Variants in ARHGAP32 observed in about 807,000 individuals in gnomAD.
ARHGAP32 encodes the protein Rho GTPase activating protein 32.
ARHGAP32 carries 51 observed loss-of-function variants against 186.5 expected under a neutral mutation model. The observed-to-expected ratio is 0.27, with a 90% CI of 0.22 to 0.35. ARHGAP32 has a LOEUF of 0.35. ARHGAP32 is among the 10% of genes least tolerant of loss of function. The probability of loss-of-function intolerance (pLI) is 1.00; values close to 1 mark genes in which losing one functional copy is unlikely to be tolerated. For missense variants in ARHGAP32, 2,186 were observed against 2,623.5 expected (o/e 0.83, Z 3.64); for synonymous variants, 950 against 964.3 (o/e 0.99, Z 0.27).
rs1325002614 is a variant in ARHGAP32, at chr11:129,123,978, A to G, written c.318-49T>C. On this transcript the variant is annotated intron_variant, in intron 3 of 22. Coordinates refer to ENST00000682385, the MANE Select transcript of ARHGAP32 (RefSeq NM_001378024.1). This position sits in a 1 kb window ranked among gnomAD's most constrained non-coding sequence, Gnocchi z 4.6. ...ATCCTTGTCTTTCCTCTACTTACAC[A>G]TGAAGCATAACTATCTAACTCTACT... The G allele has an allele frequency of 2.4e-6, 3 of 1,240,556 alleles. No homozygotes were observed. Among genetic ancestry groups the G allele is most frequent in the Non-Finnish European group, 3.2e-6 (3 of 947,490 alleles). The allele number at this position is 1,240,556 out of a possible 1,614,324, so 76.8% of individuals were successfully genotyped here.
intron 1 of ARHGAP32, among the ~76,000 whole-genome samples, chr11:129,191,857 T>G (rs1219328670): frequency 6.6e-6 from 1 of 152,150 alleles, no homozygotes; most frequent in African/African-American, 2.4e-5. Context: ...CACCTTCTCC[T>G]CCTGGCGTTC....
At chr11:129,233,677 C>A (rs1020724279) in intron 1 of ARHGAP32, among the ~76,000 whole-genome samples, 27 of 149,620 alleles carry the variant, frequency 1.8e-4, no homozygotes, top group African/African-American at 6.6e-4. Context: ...GAAAAAGTAA[C>A]TGCAGTATAT....
intron 11 of ARHGAP32, chr11:129,024,056 T>C: frequency 2.0e-6 from 2 of 985,522 alleles, no homozygotes; most frequent in Non-Finnish European, 2.4e-6. Context: ...GGGTTCCAGC[T>C]GTTTTCAGGA....
intron 1 of ARHGAP32, among the ~76,000 whole-genome samples, chr11:129,250,128 G>A (rs534578579): frequency 6.6e-6 from 1 of 152,124 alleles, no homozygotes; most frequent in Non-Finnish European, 1.5e-5. Flanking sequence ...GAAGTGGGAG[G>A]ACTGCTTGAG....
Position 128,970,136 on chromosome 11 carries a change from T to C in ARHGAP32, c.5077A>G (p.Arg1693Gly). 3 of 1,614,196 alleles carry C rather than the reference T, an allele frequency of 1.9e-6. No individual in the cohort carries two copies. Among genetic ancestry groups the C allele is most frequent in the Non-Finnish European group, 2.5e-6 (3 of 1,180,036 alleles). ...DVDAYGTVQLRPLHRLPNRDF... is the reference protein window; with the variant it reads ...DVDAYGTVQLGPLHRLPNRDF... ...CGATTGGGAAGGCGGTGAAGGGGTC[T>C]CAACTGGACTGTGCCATAGGCATCC... The change falls in exon 23 of 23, where the codon AGA becomes GGA. Residue 1693 changes from arginine to glycine, a missense_variant. Coordinates refer to ENST00000682385, the MANE Select transcript of ARHGAP32 (RefSeq NM_001378024.1). This position sits in a 1 kb window ranked among gnomAD's most constrained non-coding sequence, Gnocchi z 5.8.
At chr11:129,232,715 T>C (rs967367649) in intron 1 of ARHGAP32, among the ~76,000 whole-genome samples, 1 of 152,162 alleles carries the variant, frequency 6.6e-6, no homozygotes, top group Non-Finnish European at 1.5e-5. Context: ...ATTCACTTCC[T>C]TGCAGTTGTA....
intron 11 of ARHGAP32, among the ~76,000 whole-genome samples, chr11:129,027,098 C>CA (rs368676310): frequency 0.26 from 27,845 of 107,980 alleles, 2,944 homozygotes; most frequent in African/African-American, 0.28. Flanking sequence ...GACTCTGTCT[C>CA]AAAAAAAAAA....
chr11:129,082,190 T>TAGAGATTC (rs1024612347), intron 6 of ARHGAP32, among the ~76,000 whole-genome samples: 2 of 152,054 alleles, frequency 1.3e-5, no homozygotes, highest in African/African-American at 2.4e-5. Context: ...AAAAGCAATC[T>TAGAGATTC]AGAGATTCAA....
In ARHGAP32 at chr11:128,968,899, C is replaced by T. The variant is rs186982853; in HGVS notation, c.*8G>A. The T allele has an allele frequency of 2.4e-4, 357 of 1,480,182 alleles. No individual in the cohort carries two copies. Among genetic ancestry groups the T allele is most frequent in the South Asian group, 6.6e-4 (44 of 67,146 alleles). The allele number at this position is 1,480,182 out of a possible 1,614,324, so 91.7% of individuals were successfully genotyped here. ...CAGAGGCTGCTTCAACTCTATTGCT[C>T]GCAGGGCTCATTCTGCATGGATCTG... On this transcript the variant is annotated 3_prime_UTR_variant, in exon 23 of 23. Coordinates refer to ENST00000682385, the MANE Select transcript of ARHGAP32 (RefSeq NM_001378024.1).
chr11:129,019,920 C>T lies in ARHGAP32; in HGVS notation c.1045+21008G>A, dbSNP rs140752243. On this transcript the variant is annotated intron_variant, in intron 11 of 22. Coordinates refer to ENST00000682385, the MANE Select transcript of ARHGAP32 (RefSeq NM_001378024.1). Reference sequence around the variant, plus strand: ...GAATGTGGAGAGACAGTTTTAATCCCGATTCTGCCAATAACTCACTATAAG... The same window carrying T: ...GAATGTGGAGAGACAGTTTTAATCCTGATTCTGCCAATAACTCACTATAAG... Among the ~76,000 whole-genome samples, 416 of 152,108 alleles carry T rather than the reference C, an allele frequency of 2.7e-3. 2 individuals carry two copies. Among genetic ancestry groups the T allele is most frequent in the African/African-American group, 9.4e-3 (392 of 41,528 alleles).
chr11:129,218,510 A>G (rs1294831184), intron 1 of ARHGAP32, among the ~76,000 whole-genome samples: 1 of 152,100 alleles, frequency 6.6e-6, no homozygotes, highest in East Asian at 1.9e-4. Flanking sequence ...AATTAGCTCA[A>G]GTGTCATCTC....
chr11:129,187,886 A>AC (rs1258577648), intron 1 of ARHGAP32, among the ~76,000 whole-genome samples: 1 of 152,070 alleles, frequency 6.6e-6, no homozygotes, highest in East Asian at 1.9e-4. Context: ...TGGGTGTGAT[A>AC]TGGTATTTAT....
At chr11:129,085,584 T>C (rs1003751002) in intron 6 of ARHGAP32, among the ~76,000 whole-genome samples, 18 of 152,276 alleles carry the variant, frequency 1.2e-4, no homozygotes, top group African/African-American at 4.3e-4. Context: ...CCCAGCAAGT[T>C]ATTTTGTTGA....
intron 12 of ARHGAP32, among the ~76,000 whole-genome samples, chr11:128,994,249 G>A (rs1454296363): frequency 1.3e-5 from 2 of 151,840 alleles, no homozygotes; most frequent in Non-Finnish European, 2.9e-5. Context: ...CCAGCTCCCA[G>A]GTTCAAGCAA....
At chr11:129,024,875 A>G (rs575299930) in intron 11 of ARHGAP32, among the ~76,000 whole-genome samples, 2 of 152,302 alleles carry the variant, frequency 1.3e-5, no homozygotes, top group South Asian at 4.1e-4. Flanking sequence ...TAAAGCTTTA[A>G]AGATTCTTAT....
chr11:129,244,658 G>A (rs1181333408), intron 1 of ARHGAP32, among the ~76,000 whole-genome samples: 2 of 151,598 alleles, frequency 1.3e-5, no homozygotes, highest in Admixed American at 1.3e-4. Flanking sequence ...GAGTGAACAG[G>A]CAACCTACAA....
At position 128,970,383 on chromosome 11, in the gene ARHGAP32, A is replaced by G. The variant is rs1010141780; in HGVS notation, c.4830T>C (p.Ser1610=). The change falls in exon 23 of 23, where the codon TCT becomes TCC. Residue 1610 remains serine, a synonymous_variant. Coordinates refer to ENST00000682385, the MANE Select transcript of ARHGAP32 (RefSeq NM_001378024.1). The surrounding 1 kb of genome is among the most constrained non-coding windows in gnomAD (Gnocchi z 5.8). The part of the protein sequence containing the change: ...LHAPPSSMIR[S]VPISRTEVPP... ...GAACTTCTGTCCGTGAAATGGGAAC[A>G]GAGCGAATCATGGAAGACGGCGGAG... 3 of 1,614,214 alleles carry G rather than the reference A, an allele frequency of 1.9e-6. No homozygotes were observed. The highest frequency in any genetic ancestry group is 2.2e-5 in the East Asian group (1 of 44,878).
chr11:129,131,912 A>C (rs1942819039), intron 2 of ARHGAP32, among the ~76,000 whole-genome samples: 1 of 152,236 alleles, frequency 6.6e-6, no homozygotes. Flanking sequence ...CAGGAAAAAT[A>C]GTGCAAGACA....
intron 1 of ARHGAP32, among the ~76,000 whole-genome samples, chr11:129,255,699 G>A (rs1158126501): frequency 6.6e-6 from 1 of 151,854 alleles, no homozygotes; most frequent in African/African-American, 2.4e-5. Context: ...CAGAAAAATG[G>A]GCAAAAGGCA....
Sources: gnomAD v4.1 joint callset for allele counts (sites outside exome capture counted in the v4.1 genomes callset) on GRCh38, gnomAD v4.1.1 for gene constraint, Gnocchi (gnomAD v3.1) non-coding constraint, MANE v1.5 for transcripts, NCBI Gene and HGNC (gene_info 2026-07-23, HGNC 2026-07-21) for gene names.